The following PRKX variants were observed in gnomAD, a reference collection of about 807,000 sequenced individuals.
PRKX encodes the protein protein kinase cAMP-dependent X-linked catalytic subunit.
A neutral mutation model predicts 22.0 loss-of-function variants in PRKX; 12 were observed. That is an observed-to-expected ratio of 0.54 (90% CI 0.35 to 0.88). The LOEUF is 0.88. Ranked by LOEUF, PRKX falls within the 40% of genes least tolerant of loss-of-function variation. PRKX has a pLI of 0.01. For missense variants in PRKX, 217 were observed against 308.0 expected, an observed-to-expected ratio of 0.70 and a Z score of 2.21; for synonymous variants, 134 against 137.7, an observed-to-expected ratio of 0.97 and a Z score of 0.19.
chrX:3,705,654 A>AGG (rs201633509), intron 1 of PRKX, among the ~76,000 whole-genome samples: 2,610 of 110,250 alleles, frequency 0.024, 75 homozygotes, highest in African/African-American at 0.066. Context: ...GGGATGCCTT[A>AGG]GGGCTTCCTC....
chrX:3,692,336 G>A (rs1928347856), intron 1 of PRKX, among the ~76,000 whole-genome samples: 1 of 110,060 alleles, frequency 9.1e-6, no homozygotes, highest in South Asian at 4.0e-4. Flanking sequence ...ACTGTCCCCA[G>A]ACACTGTCAA....
intron 1 of PRKX, among the ~76,000 whole-genome samples, chrX:3,677,561 A>G (rs1307369149): frequency 9.0e-6 from 1 of 111,162 alleles, no homozygotes; most frequent in African/African-American, 3.3e-5. Context: ...CAACCATACA[A>G]TGGATTTCCT....
At chrX:3,615,454 T>C (rs1434102267) in intron 7 of PRKX, among the ~76,000 whole-genome samples, 1 of 111,736 alleles carries the variant, frequency 8.9e-6, no homozygotes, top group Non-Finnish European at 1.9e-5. Flanking sequence ...TGTTGACCGC[T>C]TTCCACTAAA....
At chrX:3,679,116 G>A (rs1928021888) in intron 1 of PRKX, among the ~76,000 whole-genome samples, 1 of 111,433 alleles carries the variant, frequency 9.0e-6, no homozygotes, top group South Asian at 3.8e-4. Flanking sequence ...CATTACATGG[G>A]TATATTGCAT....
chrX:3,624,197 C>A (rs1438416003), intron 5 of PRKX, among the ~76,000 whole-genome samples: 1 of 111,550 alleles, frequency 9.0e-6, no homozygotes, highest in Non-Finnish European at 1.9e-5. Context: ...TCCCCATACC[C>A]ATCTCTACCA....
At position 3,647,054 on chromosome X, in the gene PRKX, G is replaced by A. The variant is rs748847928; in HGVS notation, c.600-5083C>T. ...TAAATACTCAAAGTAAGAAGCTAGG[G>A]GAAAAGGTCTAAAGTAACTAGAAAG... On this transcript the variant is annotated intron_variant, in intron 3 of 8. Transcript: ENST00000262848. 5.4e-5 allele frequency among the ~76,000 whole-genome samples: 6 copies of A among 110,902 alleles called. No individual in the cohort carries two copies. The South Asian group carries it at 1.9e-3, about 35-fold the overall frequency.
intron 1 of PRKX, among the ~76,000 whole-genome samples, chrX:3,711,592 T>A (rs1246920356): frequency 8.9e-6 from 1 of 111,994 alleles, no homozygotes; most frequent in Non-Finnish European, 1.9e-5. Context: ...CGGCTGGACC[T>A]CATCAATTTT....
chrX:3,611,929 T>A (rs1240760364), intron 8 of PRKX, among the ~76,000 whole-genome samples: 2 of 111,358 alleles, frequency 1.8e-5, no homozygotes, highest in Admixed American at 1.9e-4. Flanking sequence ...TATTTAGACA[T>A]GCAGGTTCTG....
chrX:3,678,607 T>C (rs754574685), intron 1 of PRKX, among the ~76,000 whole-genome samples: 16 of 112,278 alleles, frequency 1.4e-4, no homozygotes, highest in East Asian at 5.6e-4. Flanking sequence ...CTGGGAGATA[T>C]TGTCAGTCCC....
chrX:3,624,638 GAC>G (rs756758757), intron 5 of PRKX, among the ~76,000 whole-genome samples: 1 of 107,881 alleles, frequency 9.3e-6, no homozygotes, highest in East Asian at 2.9e-4. Context: ...TTCTTTTCTT[GAC>G]ACAGAGTTTC....
At chrX:3,661,846 C>G (rs1927602046) in intron 2 of PRKX, among the ~76,000 whole-genome samples, 1 of 111,657 alleles carries the variant, frequency 9.0e-6, no homozygotes, top group South Asian at 3.8e-4. Context: ...CTGAGGGACT[C>G]TGCCCCTGAC....
intron 4 of PRKX, among the ~76,000 whole-genome samples, chrX:3,637,362 G>A (rs1216924639): frequency 4.5e-5 from 5 of 111,406 alleles, no homozygotes; most frequent in Non-Finnish European, 1.9e-5. Flanking sequence ...GGCTCCCAGG[G>A]AATAGGGACA....
intron 2 of PRKX, among the ~76,000 whole-genome samples, chrX:3,669,469 G>T (rs1166500759): frequency 8.9e-6 from 1 of 111,837 alleles, no homozygotes. Context: ...GTCATAGATG[G>T]GATGGGTGCT....
chrX:3,611,768 A>C (rs754253642), intron 8 of PRKX, among the ~76,000 whole-genome samples: 158 of 111,748 alleles, frequency 1.4e-3, no homozygotes, highest in Non-Finnish European at 2.5e-3. Flanking sequence ...TCTTCTTCTT[A>C]TTTTTTAACC....
chrX:3,638,885 G>A (rs141985186), intron 4 of PRKX, among the ~76,000 whole-genome samples: 4 of 105,428 alleles, frequency 3.8e-5, no homozygotes, highest in African/African-American at 1.4e-4. Context: ...ATAGGAAGTA[G>A]ATGGATAGAT....
intron 4 of PRKX, among the ~76,000 whole-genome samples, chrX:3,638,989 G>C (rs1242476920): frequency 1.0e-5 from 1 of 97,521 alleles, no homozygotes; most frequent in Non-Finnish European, 2.0e-5. Flanking sequence ...GATGGAGAGA[G>C]ATGGATATAT....
At chrX:3,627,016 GA>G (rs200936164) in intron 4 of PRKX, among the ~76,000 whole-genome samples, 3 of 111,034 alleles carry the variant, frequency 2.7e-5, no homozygotes, top group African/African-American at 6.5e-5. Context: ...ACATGTATAT[GA>G]AAAAAAATGC....
At chrX:3,659,285 G>A (rs1927541850) in intron 2 of PRKX, among the ~76,000 whole-genome samples, 1 of 110,442 alleles carries the variant, frequency 9.1e-6, no homozygotes, top group Non-Finnish European at 1.9e-5. Flanking sequence ...ATAGACACAT[G>A]CTACTGTGAA....
At chrX:3,639,957 C>T (rs778568304) in intron 4 of PRKX, among the ~76,000 whole-genome samples, 51 of 111,418 alleles carry the variant, frequency 4.6e-4, no homozygotes, top group Admixed American at 3.0e-3. Context: ...CGGTGCTCCC[C>T]ACCAGCAGGA....
Sources: gnomAD v4.1 joint callset for allele counts (sites outside exome capture counted in the v4.1 genomes callset) on GRCh38, gnomAD v4.1.1 for gene constraint, MANE v1.5 for transcripts, NCBI Gene and HGNC (gene_info 2026-07-23, HGNC 2026-07-21) for gene names.